Variants in SIDT1 observed in about 807,000 individuals in gnomAD.
SIDT1 encodes SID1 transmembrane family member 1, also known as SID1 transmembrane family, member 1.
SIDT1 carries 101 observed loss-of-function variants against 107.5 expected under a neutral mutation model. That is an observed-to-expected ratio of 0.94 (90% CI 0.80 to 1.11). SIDT1 has a LOEUF of 1.11. SIDT1 is among the 50% of genes least tolerant of loss of function. The pLI is 0.00. For missense variants in SIDT1, 1,076 were observed against 1,058.2 expected, an observed-to-expected ratio of 1.02 and a Z score of -0.23; for synonymous variants, 395 against 398.2, an observed-to-expected ratio of 0.99 and a Z score of 0.10.
chr3:113,615,986 G>A (rs1189941220), intron 19 of SIDT1, 114 bp from the exon 20 acceptor site: 2 of 780,616 alleles, frequency 2.6e-6, no homozygotes, highest in Non-Finnish European at 4.7e-6. Flanking sequence ...GCATTCTAAT[G>A]CATTTTAATG....
chr3:113,546,561 T>C (rs1411237831), intron 1 of SIDT1, among the ~76,000 whole-genome samples: 3 of 152,196 alleles, frequency 2.0e-5, no homozygotes, highest in Non-Finnish European at 4.4e-5. Context: ...GCTTTTTGGT[T>C]GTCATTTTGT....
At chr3:113,583,272 C>G in intron 6 of SIDT1, 137 bp from the exon 7 acceptor site, 1 of 506,584 alleles carries the variant, frequency 2.0e-6, no homozygotes. Context: ...TGTGAAAGTC[C>G]TTTCCAAGGA....
At position 113,619,141 on chromosome 3, in the gene SIDT1, T is replaced by C. The variant is rs1273875452; in HGVS notation, c.2044-539T>C. ...CACCCGGCCTATTGTCCTTTAAAAT[T>C]GACCTTTTCTCCCTATTTTCTCCCC... On this transcript the variant is annotated intron_variant, in intron 20 of 24. Transcript: ENST00000264852. Among the ~76,000 whole-genome samples, 5 of 152,276 alleles carry C rather than the reference T, an allele frequency of 3.3e-5. No individual in the cohort carries two copies. The East Asian group carries it at 9.7e-4, about 29-fold the overall frequency.
intron 23 of SIDT1, 97 bp from the exon 24 acceptor site, chr3:113,626,005 G>C: frequency 1.2e-6 from 1 of 813,924 alleles, no homozygotes; most frequent in Non-Finnish European, 2.1e-6. Flanking sequence ...TTTCGAACCA[G>C]ACATCTAGTA....
intron 20 of SIDT1, among the ~76,000 whole-genome samples, chr3:113,617,296 G>A (rs899620035): frequency 1.3e-5 from 2 of 152,160 alleles, no homozygotes; most frequent in African/African-American, 4.8e-5. Context: ...TTGCTTGATG[G>A]TTAAAACATA....
chr3:113,623,418 C>A lies in SIDT1; in HGVS notation c.2091-9C>A. The A allele has an allele frequency of 1.3e-6, 2 of 1,598,170 alleles. No homozygotes were observed. Among genetic ancestry groups the A allele is most frequent in the Non-Finnish European group, 1.7e-6 (2 of 1,165,578 alleles). ...TTCACGGCTGCCCACATTTCTCCCACGCCTGCAGCGCCCTCTTTGGATTGA... is the reference window on the plus strand; with the variant it reads ...TTCACGGCTGCCCACATTTCTCCCAAGCCTGCAGCGCCCTCTTTGGATTGA... On this transcript the variant is annotated splice_polypyrimidine_tract_variant and intron_variant, in intron 21 of 24. Transcript: ENST00000264852.
chr3:113,592,226 G>T (rs1459992413), intron 9 of SIDT1, among the ~76,000 whole-genome samples: 1 of 152,126 alleles, frequency 6.6e-6, no homozygotes, highest in Admixed American at 6.5e-5. Flanking sequence ...GGTGGGAGCT[G>T]TACAACTTTG....
chr3:113,581,803 G>A (rs1364790936), intron 6 of SIDT1: 2 of 216,430 alleles, frequency 9.2e-6, no homozygotes, highest in South Asian at 7.2e-5. Context: ...AACCCAAGAG[G>A]CAGAGGTTGA....
In SIDT1 at chr3:113,607,097, C is replaced by T. The variant is rs1945389464; in HGVS notation, c.1461C>T (p.His487=). ...DICYYNFLCA[H]PLGVLSAFNN... ...GTTACTACAACTTCCTCTGTGCTCA[C>T]CCCTTGGGCGTCCTGAGGTAAACCC... Residue 487 remains histidine (H), a synonymous_variant, in exon 15 of 25, where the codon CAC becomes CAT. Coordinates refer to ENST00000264852, the MANE Select transcript of SIDT1 (RefSeq NM_017699.3). 1 of 1,611,910 alleles carries T rather than the reference C, an allele frequency of 6.2e-7. No homozygotes were observed. The highest frequency in any genetic ancestry group is 1.3e-5 in the African/African-American group (1 of 74,886).
Position 113,563,102 on chromosome 3 carries a change from C to T in SIDT1, c.223-3318C>T, listed in dbSNP as rs1941579702. ...AGGCCAGTCAACACTGGGGACATAA[C>T]CCTTTTGAGAAACAGTAATTGGACA... On this transcript the variant is annotated intron_variant, in intron 1 of 24. Transcript: ENST00000264852. Among the ~76,000 whole-genome samples the T allele has an allele frequency of 2.0e-5, 3 of 152,122 alleles. No homozygotes were observed. The South Asian group carries it at 6.2e-4, about 32-fold the overall frequency.
intron 1 of SIDT1, among the ~76,000 whole-genome samples, chr3:113,551,374 A>C (rs1940211259): frequency 6.6e-6 from 1 of 152,184 alleles, no homozygotes; most frequent in Admixed American, 6.5e-5. Context: ...AAAGAAGAAA[A>C]CTGAGAGTAA....
chr3:113,610,968 A>G, intron 17 of SIDT1, 40 bp from the exon 18 acceptor site: 2 of 1,606,492 alleles, frequency 1.2e-6, no homozygotes, highest in South Asian at 1.1e-5. Context: ...TCTGTCACCT[A>G]CTGAATCCTG....
chr3:113,614,980 T>C (rs1560131049), intron 19 of SIDT1: 2 of 1,407,256 alleles, frequency 1.4e-6, no homozygotes, highest in East Asian at 2.5e-5. Context: ...AAAAATAAAA[T>C]GACCAGTAGT....
At chr3:113,550,139 T>G (rs1299740139) in intron 1 of SIDT1, among the ~76,000 whole-genome samples, 1 of 152,194 alleles carries the variant, frequency 6.6e-6, no homozygotes, top group African/African-American at 2.4e-5. Context: ...GCTGCCAGCA[T>G]TGCTAAACTC....
At chr3:113,624,289 C>T (rs1168949614) in intron 23 of SIDT1, among the ~76,000 whole-genome samples, 1 of 152,238 alleles carries the variant, frequency 6.6e-6, no homozygotes, top group East Asian at 1.9e-4. Context: ...CCCTAAGCAA[C>T]TACTAAATCT....
At chr3:113,588,929 G>A (rs996172155) in intron 9 of SIDT1, 1 of 152,250 alleles carries the variant, frequency 6.6e-6, no homozygotes, top group Non-Finnish European at 1.5e-5. Flanking sequence ...GATCCCAGGT[G>A]GGTGTGATGA....
intron 14 of SIDT1, among the ~76,000 whole-genome samples, chr3:113,605,642 C>T (rs1156846025): frequency 6.6e-6 from 1 of 152,132 alleles, no homozygotes; most frequent in Non-Finnish European, 1.5e-5. Flanking sequence ...CAGACTAAAA[C>T]AAAGGAACCT....
rs114490708 is a variant in SIDT1, at chr3:113,571,948, A to C, written c.515+4238A>C. Among the ~76,000 whole-genome samples the C allele has an allele frequency of 3.7e-3, 566 of 152,280 alleles. 4 individuals are homozygous for C. The highest frequency in any genetic ancestry group is 0.013 in the African/African-American group (522 of 41,544). ...AGACTCCGTCTCACACACACACAAA[A>C]AAAATTAAACAGTTGTCTATATTGT... is the stretch of plus-strand genomic sequence containing the variant. On this transcript the variant is annotated intron_variant, in intron 3 of 24. Coordinates refer to ENST00000264852, the MANE Select transcript of SIDT1 (RefSeq NM_017699.3).
chr3:113,601,592 T>C lies in SIDT1; in HGVS notation c.1050T>C (p.Ser350=). ...CCTCTTCACTTTTTTTAACAGGCTC[T>C]GGAAATATGGTGGCATCTCATCCCA... ...IDGSFGSNDG[S]GNMVASHPIA... The change falls in exon 11 of 25, where the codon TCT becomes TCC. Residue 350 remains serine, a synonymous_variant. Coordinates refer to ENST00000264852, the MANE Select transcript of SIDT1 (RefSeq NM_017699.3). 6.2e-7 allele frequency: 1 copy of C among 1,613,702 alleles called. No individual in the cohort carries two copies. Among genetic ancestry groups the C allele is most frequent in the Non-Finnish European group, 8.5e-7 (1 of 1,179,594 alleles).
Sources: allele counts gnomAD v4.1 joint callset (sites outside exome capture counted in the v4.1 genomes callset), GRCh38; gene constraint gnomAD v4.1.1; transcripts MANE v1.5; gene names NCBI Gene and HGNC (gene_info 2026-07-23, HGNC 2026-07-21).